Variants in RPRD2 observed in about 807,000 individuals in gnomAD.
The protein encoded by RPRD2 is regulation of nuclear pre-mRNA domain containing 2.
Under a neutral mutation model 104.4 loss-of-function variants are expected in RPRD2, and 12 were observed. The ratio of observed to expected loss-of-function variants is 0.11; its 90% CI spans 0.07 to 0.19. RPRD2 has a LOEUF of 0.19. Ranked by LOEUF, RPRD2 falls within the 10% of genes least tolerant of loss-of-function variation. The pLI is 1.00. For synonymous variants in RPRD2, 714 were observed against 684.9 expected, an observed-to-expected ratio of 1.04 and a Z score of -0.66; for missense variants, 1,543 against 1,790.1, an observed-to-expected ratio of 0.86 and a Z score of 2.49.
In RPRD2 at chr1:150,403,491, G is replaced by A. The variant is rs587673651; in HGVS notation, c.206-14105G>A. Among the ~76,000 whole-genome samples, 115 of 152,092 alleles carry A rather than the reference G, an allele frequency of 7.6e-4. 4 individuals are homozygous for A. The South Asian group carries it at 0.022, about 29-fold the overall frequency. Reference sequence around the variant, plus strand: ...TCTGAATTTTTCTACTCCTAGATACGTCATGGTAATGGAATCATATAGTAT... The same window carrying A: ...TCTGAATTTTTCTACTCCTAGATACATCATGGTAATGGAATCATATAGTAT... On this transcript the variant is annotated intron_variant, in intron 1 of 10. Coordinates refer to ENST00000369068, the MANE Select transcript of RPRD2 (RefSeq NM_015203.5).
chr1:150,465,562 A>G (rs1668208608), intron 10 of RPRD2, among the ~76,000 whole-genome samples: 1 of 152,192 alleles, frequency 6.6e-6, no homozygotes, highest in African/African-American at 2.4e-5. Flanking sequence ...AGATCTGCTT[A>G]TGGTCACATA....
chr1:150,378,254 A>G (rs924530049), intron 1 of RPRD2, among the ~76,000 whole-genome samples: 8 of 152,214 alleles, frequency 5.3e-5, no homozygotes, highest in African/African-American at 1.9e-4. Context: ...GAGTAAATCT[A>G]TTAGTGATGT....
At chr1:150,405,792 G>C (rs1212372013) in intron 1 of RPRD2, among the ~76,000 whole-genome samples, 2 of 152,122 alleles carry the variant, frequency 1.3e-5, no homozygotes, top group African/African-American at 4.8e-5. Flanking sequence ...ATGCCATCTT[G>C]CCTGGGACAG....
At chr1:150,412,285 C>G (rs1461844179) in intron 1 of RPRD2, among the ~76,000 whole-genome samples, 2 of 152,120 alleles carry the variant, frequency 1.3e-5, no homozygotes, top group Non-Finnish European at 2.9e-5. Flanking sequence ...CCCAGATTAC[C>G]TCAACCACTT....
At chr1:150,367,040 T>A (rs12121966) in intron 1 of RPRD2, among the ~76,000 whole-genome samples, 3 of 151,974 alleles carry the variant, frequency 2.0e-5, no homozygotes, top group African/African-American at 7.3e-5. Flanking sequence ...TTTATTGATA[T>A]CTTAAGAGTG....
chr1:150,428,895 G>T (rs1002317832), intron 2 of RPRD2, among the ~76,000 whole-genome samples: 34 of 152,184 alleles, frequency 2.2e-4, no homozygotes, highest in African/African-American at 7.0e-4. Flanking sequence ...GTAAGGGGGG[G>T]TGTCATTAGC....
intron 9 of RPRD2, among the ~76,000 whole-genome samples, chr1:150,462,629 TCA>T (rs1668014433): frequency 6.6e-6 from 1 of 152,010 alleles, no homozygotes; most frequent in Non-Finnish European, 1.5e-5. Flanking sequence ...CGATCTCAGC[TCA>T]CTGCAAGCTC....
At chr1:150,468,179 G>T (rs924558679) in intron 10 of RPRD2, among the ~76,000 whole-genome samples, 1 of 151,968 alleles carries the variant, frequency 6.6e-6, no homozygotes, top group African/African-American at 2.4e-5. Flanking sequence ...AGCAGAGTAT[G>T]ACTTGTTATG....
At chr1:150,432,166 C>A (rs1553891940) in intron 2 of RPRD2, among the ~76,000 whole-genome samples, 3 of 140,048 alleles carry the variant, frequency 2.1e-5, no homozygotes, top group Non-Finnish European at 3.2e-5. Flanking sequence ...GGAACAAGAC[C>A]CTAAATCTTA....
intron 1 of RPRD2, among the ~76,000 whole-genome samples, chr1:150,372,029 A>G (rs1553878494): frequency 6.6e-6 from 1 of 152,194 alleles, no homozygotes. Context: ...TAATTATTGA[A>G]GCTATCGTCT....
intron 1 of RPRD2, among the ~76,000 whole-genome samples, chr1:150,404,847 C>A (rs1474661205): frequency 2.0e-5 from 3 of 152,150 alleles, no homozygotes; most frequent in Non-Finnish European, 2.9e-5. Context: ...TTTTAGACCT[C>A]ATTTTAATAT....
chr1:150,387,296 A>G (rs1661637773), intron 1 of RPRD2, among the ~76,000 whole-genome samples: 1 of 152,164 alleles, frequency 6.6e-6, no homozygotes. Flanking sequence ...CAGTGTGTTA[A>G]GTGAGAAGAG....
intron 7 of RPRD2, among the ~76,000 whole-genome samples, chr1:150,446,744 G>A (rs1453229644): frequency 6.6e-6 from 1 of 150,846 alleles, no homozygotes; most frequent in Non-Finnish European, 1.5e-5. Context: ...AGTGAGACCC[G>A]TCTCAAAAAA....
chr1:150,417,103 T>G (rs1201422531), intron 1 of RPRD2, among the ~76,000 whole-genome samples: 1 of 152,134 alleles, frequency 6.6e-6, no homozygotes, highest in African/African-American at 2.4e-5. Context: ...ACATTCTGAT[T>G]TGATTACAAA....
intron 2 of RPRD2, among the ~76,000 whole-genome samples, chr1:150,418,558 C>G (rs12140697): frequency 0.22 from 33,746 of 152,040 alleles, 4,262 homozygotes; most frequent in African/African-American, 0.32. Context: ...TCCAGCACTT[C>G]CCACAGTGTA....
chr1:150,471,622 T>C lies in RPRD2; in HGVS notation c.2674T>C (p.Ser892Pro). 1 of 1,613,770 alleles carries C rather than the reference T, an allele frequency of 6.2e-7. No homozygotes were observed. Among genetic ancestry groups the C allele is most frequent in the Non-Finnish European group, 8.5e-7 (1 of 1,179,846 alleles). ...EFGVKSAFPP[S>P]VRALLDSSEN... is the part of the protein sequence containing the mutation. ...TGGGGTAAAGTCTGCCTTCCCTCCA[T>C]CTGTAAGGGCCCTCCTGGACTCTAG... The change falls in exon 11 of 11, where the codon TCT (serine) becomes CCT (proline). Residue 892 changes from serine to proline, a missense_variant. Physicochemically the swap from Ser to Pro is moderately conservative, Grantham distance 74. Coordinates refer to ENST00000369068, the MANE Select transcript of RPRD2 (RefSeq NM_015203.5). This position sits in a 1 kb window ranked among gnomAD's most constrained non-coding sequence, Gnocchi z 5.3.
intron 1 of RPRD2, chr1:150,408,954 AT>A (rs1385919681): frequency 1.3e-5 from 2 of 151,806 alleles, no homozygotes; most frequent in East Asian, 1.9e-4. Context: ...CCTTTCCATT[AT>A]ACCATAATGC....
In RPRD2 at chr1:150,364,915, G is replaced by A. The variant is rs868944923; in HGVS notation, c.201G>A (p.Arg67=). The change falls in exon 1 of 11, where the codon CGG becomes CGA. Residue 67 remains arginine, a synonymous_variant. Coordinates refer to ENST00000369068, the MANE Select transcript of RPRD2 (RefSeq NM_015203.5). ...TCTATCATTGGATGAAGTGGCTCCG[G>A]AGATGTGAGTGTTGGGGGTGACTAG... The part of the protein sequence containing the change: ...TIVYHWMKWL[R]RSAYPHRLNL... 6.2e-7 allele frequency: 1 copy of A among 1,613,964 alleles called. No homozygotes were observed. The highest frequency in any genetic ancestry group is 1.7e-4 in the Middle Eastern group (1 of 6,056).
At chr1:150,365,152 G>C (rs950300107) in intron 1 of RPRD2, among the ~76,000 whole-genome samples, 2 of 152,214 alleles carry the variant, frequency 1.3e-5, no homozygotes, top group African/African-American at 4.8e-5. Context: ...ACCTTGGGCC[G>C]TTGGGCCCAG....
Sources: gnomAD v4.1 joint callset for allele counts (sites outside exome capture counted in the v4.1 genomes callset) on GRCh38, gnomAD v4.1.1 for gene constraint, Gnocchi (gnomAD v3.1) non-coding constraint, MANE v1.5 for transcripts, NCBI Gene and HGNC (gene_info 2026-07-23, HGNC 2026-07-21) for gene names.